FRMD5: variants seen among roughly 807,000 people sequenced by gnomAD.
FRMD5 encodes the protein FERM domain-containing protein 5.
FRMD5 carries 20 observed loss-of-function variants against 69.0 expected under a neutral mutation model. That is an observed-to-expected ratio of 0.29 (90% CI 0.20 to 0.42). FRMD5 has a LOEUF of 0.42. Among genes scored for constraint, FRMD5 ranks in the 10% least tolerant of loss-of-function variants. The pLI is 1.00. For synonymous variants in FRMD5, 271 were observed against 260.1 expected, an observed-to-expected ratio of 1.04 and a Z score of -0.40; for missense variants, 595 against 708.6, an observed-to-expected ratio of 0.84 and a Z score of 1.82.
At chr15:44,126,154 T>C (rs1214297610) in intron 1 of FRMD5, among the ~76,000 whole-genome samples, 1 of 152,202 alleles carries the variant, frequency 6.6e-6, no homozygotes, top group Non-Finnish European at 1.5e-5. Context: ...AGTACCAGGA[T>C]CATTTTCTCC....
At chr15:44,020,758 A>G (rs2140250273) in intron 1 of FRMD5, among the ~76,000 whole-genome samples, 1 of 152,312 alleles carries the variant, frequency 6.6e-6, no homozygotes, top group East Asian at 1.9e-4. Context: ...AGTCTAGACA[A>G]TCAACAAAAC....
chr15:44,097,239 A>G (rs1245353327), intron 1 of FRMD5, among the ~76,000 whole-genome samples: 2 of 152,220 alleles, frequency 1.3e-5, no homozygotes, highest in African/African-American at 2.4e-5. Flanking sequence ...AGAGTTGATG[A>G]GTGAGAGTAA....
At chr15:43,958,292 G>C (rs2090145412) in intron 1 of FRMD5, among the ~76,000 whole-genome samples, 1 of 151,992 alleles carries the variant, frequency 6.6e-6, no homozygotes, top group Admixed American at 6.6e-5. Context: ...TGAGGACCAT[G>C]CCTTAGAGTA....
chr15:44,008,483 C>G (rs541437137), intron 1 of FRMD5, among the ~76,000 whole-genome samples: 2 of 151,818 alleles, frequency 1.3e-5, no homozygotes, highest in African/African-American at 4.8e-5. Context: ...CCAGGCTGGT[C>G]TTGAACTCCT....
At chr15:44,067,758 T>G (rs758694070) in intron 1 of FRMD5, among the ~76,000 whole-genome samples, 1 of 152,126 alleles carries the variant, frequency 6.6e-6, no homozygotes, top group Non-Finnish European at 1.5e-5. Flanking sequence ...ATATCAACAT[T>G]CAGACCATAG....
chr15:44,072,920 AG>A (rs1595694069), intron 1 of FRMD5, among the ~76,000 whole-genome samples: 1 of 152,244 alleles, frequency 6.6e-6, no homozygotes, highest in East Asian at 1.9e-4. Flanking sequence ...TCTCAAGGTC[AG>A]GAGTTCAAGA....
At chr15:44,010,877 T>TA (rs113434117) in intron 1 of FRMD5, among the ~76,000 whole-genome samples, 99 of 148,752 alleles carry the variant, frequency 6.7e-4, no homozygotes, top group Middle Eastern at 3.5e-3. Flanking sequence ...TACTCAACGT[T>TA]AAAAAAAAAA....
At chr15:44,041,953 A>G (rs570782874) in intron 1 of FRMD5, among the ~76,000 whole-genome samples, 34 of 152,214 alleles carry the variant, frequency 2.2e-4, no homozygotes, top group Non-Finnish European at 4.0e-4. Context: ...AGGGAGATAG[A>G]GACATGAAAA....
chr15:44,089,150 G>A (rs930914526), intron 1 of FRMD5, among the ~76,000 whole-genome samples: 1 of 152,170 alleles, frequency 6.6e-6, no homozygotes, highest in African/African-American at 2.4e-5. Context: ...GAAAGATGGT[G>A]ACTCTGTGTC....
chr15:44,144,675 C>T (rs1459980715), intron 1 of FRMD5, among the ~76,000 whole-genome samples: 1 of 152,166 alleles, frequency 6.6e-6, no homozygotes, highest in Non-Finnish European at 1.5e-5. Flanking sequence ...ACACATCTTC[C>T]CATAATAAAC....
At chr15:44,085,562 G>A (rs1894163256) in intron 1 of FRMD5, among the ~76,000 whole-genome samples, 1 of 152,152 alleles carries the variant, frequency 6.6e-6, no homozygotes, top group Non-Finnish European at 1.5e-5. Flanking sequence ...TACTGGTCTT[G>A]ATAAGGAGCC....
At chr15:44,143,520 C>T (rs1176393146) in intron 1 of FRMD5, among the ~76,000 whole-genome samples, 1 of 151,792 alleles carries the variant, frequency 6.6e-6, no homozygotes, top group Non-Finnish European at 1.5e-5. Flanking sequence ...GGCATCTTTC[C>T]AAGGGTTCCA....
intron 2 of FRMD5, among the ~76,000 whole-genome samples, chr15:43,922,668 CTTTT>C (rs397970648): frequency 1.4e-5 from 2 of 139,774 alleles, no homozygotes; most frequent in African/African-American, 2.6e-5. Context: ...ACTGGCCCTC[CTTTT>C]TTTTTTTTTT....
chr15:43,982,821 A>T (rs967937052), intron 1 of FRMD5, among the ~76,000 whole-genome samples: 56 of 152,214 alleles, frequency 3.7e-4, no homozygotes, highest in African/African-American at 1.4e-3. Context: ...TATCTTTTTT[A>T]AATCAGGGTA....
At chr15:44,090,949 C>A (rs1382127640) in intron 1 of FRMD5, among the ~76,000 whole-genome samples, 3 of 152,090 alleles carry the variant, frequency 2.0e-5, no homozygotes, top group African/African-American at 7.2e-5. Flanking sequence ...CAATTCAAGA[C>A]AACCTAACAC....
intron 1 of FRMD5, among the ~76,000 whole-genome samples, chr15:43,988,579 A>C (rs1277065999): frequency 6.6e-6 from 1 of 152,172 alleles, no homozygotes; most frequent in Non-Finnish European, 1.5e-5. Flanking sequence ...AAGCCTTCAT[A>C]CATCTCAAGT....
At chr15:44,005,471 CAAAAAAAAAAAA>C (rs55839205) in intron 1 of FRMD5, among the ~76,000 whole-genome samples, 12 of 69,442 alleles carry the variant, frequency 1.7e-4, no homozygotes, top group South Asian at 5.6e-4. Flanking sequence ...AACTCCATCT[CAAAAAAAAAAAA>C]AAAAAAAAAA....
chr15:44,146,162 T>A (rs771305925), intron 1 of FRMD5, among the ~76,000 whole-genome samples: 1 of 152,156 alleles, frequency 6.6e-6, no homozygotes, highest in African/African-American at 2.4e-5. Flanking sequence ...TCCCTTGCCA[T>A]CCCCCAACAG....
At chr15:44,146,466 T>A (rs760818699) in intron 1 of FRMD5, among the ~76,000 whole-genome samples, 1 of 152,178 alleles carries the variant, frequency 6.6e-6, no homozygotes, top group Non-Finnish European at 1.5e-5. Flanking sequence ...TACATGTGCA[T>A]GTATCTTTAT....
Sources: allele counts gnomAD v4.1 joint callset (sites outside exome capture counted in the v4.1 genomes callset), GRCh38; gene constraint gnomAD v4.1.1; transcripts MANE v1.5; gene names NCBI Gene and HGNC (gene_info 2026-07-23, HGNC 2026-07-21).